The following CLCC1 variants were observed in gnomAD, a reference collection of about 807,000 sequenced individuals.
CLCC1 encodes chloride channel CLIC like 1.
CLCC1 carries 39 observed loss-of-function variants against 63.3 expected under a neutral mutation model. The observed-to-expected ratio is 0.62, with a 90% CI of 0.48 to 0.81. CLCC1 has a LOEUF of 0.81. CLCC1 is among the 30% of genes least tolerant of loss of function. The pLI, the probability that CLCC1 is intolerant of heterozygous loss-of-function variation, is 0.00. For synonymous variants in CLCC1, 217 were observed against 239.8 expected (o/e 0.90, Z 0.88); for missense variants, 549 against 669.4 (o/e 0.82, Z 1.98).
chr1:108,956,898 G>T (rs561478653), intron 2 of CLCC1, among the ~76,000 whole-genome samples: 9 of 137,574 alleles, frequency 6.5e-5, no homozygotes, highest in Non-Finnish European at 9.8e-5. Context: ...GCGGGGAGGC[G>T]GGGAGGCGGG....
intron 5 of CLCC1, among the ~76,000 whole-genome samples, chr1:108,944,901 T>C (rs571925395): frequency 6.0e-4 from 92 of 152,328 alleles, no homozygotes; most frequent in South Asian, 2.1e-3. Flanking sequence ...AGTGCTGGGA[T>C]TACAGGCGTG....
At chr1:108,945,518 C>G (rs1391587508) in intron 5 of CLCC1, among the ~76,000 whole-genome samples, 1 of 152,180 alleles carries the variant, frequency 6.6e-6, no homozygotes, top group East Asian at 1.9e-4. Context: ...TTCACTGTGT[C>G]CCAGAGTAAC....
At chr1:108,951,876 C>T (rs1397810995) in intron 2 of CLCC1, among the ~76,000 whole-genome samples, 4 of 150,282 alleles carry the variant, frequency 2.7e-5, no homozygotes, top group African/African-American at 4.9e-5. Flanking sequence ...CTCAAGTGAT[C>T]GGCCCACCTC....
chr1:108,960,865 T>G (rs1315614084), intron 2 of CLCC1, among the ~76,000 whole-genome samples: 1 of 152,066 alleles, frequency 6.6e-6, no homozygotes, highest in African/African-American at 2.4e-5. Flanking sequence ...TTTTTTTCTT[T>G]TTTATAGAGA....
intron 7 of CLCC1, 44 bp from the exon 8 acceptor site, chr1:108,941,542 A>G (rs1210060219): frequency 2.0e-6 from 3 of 1,506,390 alleles, no homozygotes; most frequent in Non-Finnish European, 2.8e-6. Flanking sequence ...GTTACCTATG[A>G]AGGTTAGGCC....
intron 10 of CLCC1, among the ~76,000 whole-genome samples, chr1:108,938,204 C>G (rs758194639): frequency 1.1e-4 from 17 of 152,142 alleles, no homozygotes; most frequent in Non-Finnish European, 1.9e-4. Context: ...ATTTTTAAGA[C>G]TGCAAAGAGG....
chr1:108,929,599 A>C lies in CLCC1; in HGVS notation c.*2948T>G. 9.7e-7 allele frequency: 1 copy of C among 1,033,412 alleles called. No homozygotes were observed. Among genetic ancestry groups the C allele is most frequent in the Non-Finnish European group, 1.5e-6 (1 of 664,518 alleles). 64.0% of individuals were successfully genotyped at this position (1,033,412 alleles called of 1,614,324 possible). A position where few individuals can be genotyped will look rare whatever the true frequency, so the allele number is the denominator to read the frequency against. On this transcript the variant is annotated 3_prime_UTR_variant, in exon 13 of 13. Transcript: ENST00000369969. ...ATTAATTTCTGAGAAGCCCCAAATA[A>C]AAGTTTACAACTGCGTTTTCTTGTT...
chr1:108,946,133 A>C (rs959326332), intron 5 of CLCC1, among the ~76,000 whole-genome samples: 13 of 152,056 alleles, frequency 8.5e-5, no homozygotes, highest in African/African-American at 3.1e-4. Context: ...ACACGGTGAA[A>C]CCCTGTCTCT....
chr1:108,936,958 G>A (rs1381437447), intron 11 of CLCC1, 119 bp downstream of exon 11: 1 of 570,186 alleles, frequency 1.8e-6, no homozygotes, highest in Non-Finnish European at 2.7e-6. Flanking sequence ...GTGAGTGGCT[G>A]TATCACTCAT....
intron 10 of CLCC1, among the ~76,000 whole-genome samples, chr1:108,937,962 T>C (rs576542237): frequency 8.4e-4 from 128 of 152,146 alleles, no homozygotes; most frequent in Non-Finnish European, 1.5e-3. Context: ...TTTCAGGAGA[T>C]CTATGAGATC....
chr1:108,954,117 G>A (rs1343440846), intron 2 of CLCC1, among the ~76,000 whole-genome samples: 1 of 151,282 alleles, frequency 6.6e-6, no homozygotes, highest in African/African-American at 2.5e-5. Flanking sequence ...CTCAAGATGG[G>A]AGAGGCAGAG....
chr1:108,940,209 C>CA, intron 8 of CLCC1, 67 bp from the exon 9 acceptor site: 1 of 1,165,380 alleles, frequency 8.6e-7, no homozygotes, highest in Non-Finnish European at 1.2e-6. Context: ...CCAAACAAGA[C>CA]ATTACTTTGG....
chr1:108,962,125 T>C (rs995203800), intron 2 of CLCC1, among the ~76,000 whole-genome samples, 184 bp downstream of exon 2: 7 of 152,082 alleles, frequency 4.6e-5, no homozygotes, highest in African/African-American at 1.7e-4. Flanking sequence ...AGAGGACCTG[T>C]TGGAACGACA....
chr1:108,959,092 T>A (rs976136913), intron 2 of CLCC1, among the ~76,000 whole-genome samples: 1 of 152,180 alleles, frequency 6.6e-6, no homozygotes, highest in Non-Finnish European at 1.5e-5. Flanking sequence ...GAGAATCACT[T>A]GAACCCGGGA....
chr1:108,940,634 AAGTC>A (rs1423735139), intron 8 of CLCC1, among the ~76,000 whole-genome samples: 3 of 152,230 alleles, frequency 2.0e-5, no homozygotes, highest in African/African-American at 7.2e-5. Flanking sequence ...TTAATTTAAA[AAGTC>A]AGTTCTTTAT....
chr1:108,935,234 G>A (rs1323639961), intron 11 of CLCC1, among the ~76,000 whole-genome samples: 2 of 152,222 alleles, frequency 1.3e-5, no homozygotes, highest in Non-Finnish European at 2.9e-5. Flanking sequence ...CTTGCCTGGT[G>A]AGAATAATTC....
At position 108,931,628 on chromosome 1, in the gene CLCC1, T is replaced by TTA. The variant is rs1553218893; in HGVS notation, c.*918_*919insTA. The TTA allele has an allele frequency of 1.6e-5, 13 of 811,206 alleles. No homozygotes were observed. The African/African-American group carries it at 2.3e-4, about 15-fold the overall frequency. The allele number at this position is 811,206 out of a possible 1,614,324, so 50.3% of individuals were successfully genotyped here. A position where few individuals can be genotyped will look rare whatever the true frequency, so the allele number is the denominator to read the frequency against. ...GAATTAATTACATTAAGTGCTCAGCTAAAAAAAAAAAAAAAGTTCTAAATT... is the reference window on the plus strand; with the variant it reads ...GAATTAATTACATTAAGTGCTCAGCTTAAAAAAAAAAAAAAAAGTTCTAAATT... On this transcript the variant is annotated 3_prime_UTR_variant, in exon 13 of 13. Transcript: ENST00000369969.
In CLCC1 at chr1:108,934,737, G is replaced by GT. The variant is rs1652615067; in HGVS notation, c.1588dup (p.Thr530AsnfsTer59). The GT allele has an allele frequency of 1.2e-6, 2 of 1,614,110 alleles. No individual in the cohort carries two copies. Among genetic ancestry groups the GT allele is most frequent in the African/African-American group, 2.7e-5 (2 of 74,948 alleles). On this transcript the variant is annotated frameshift_variant, in exon 12 of 13. Transcript: ENST00000369969. LOFTEE classifies it high-confidence loss of function. ...AGCCACACCTCTTGCGGGGCTGTAT[G>GT]TGCTGCCTTGGTCTGGGCTGCCTGC...
chr1:108,961,463 A>T (rs1377022897), intron 2 of CLCC1, among the ~76,000 whole-genome samples: 1 of 152,192 alleles, frequency 6.6e-6, no homozygotes, highest in African/African-American at 2.4e-5. Context: ...AGTACTTGTC[A>T]GGGGACACTA....
Sources: gnomAD v4.1 joint callset for allele counts (sites outside exome capture counted in the v4.1 genomes callset) on GRCh38, gnomAD v4.1.1 for gene constraint, MANE v1.5 for transcripts, NCBI Gene and HGNC (gene_info 2026-07-23, HGNC 2026-07-21) for gene names.